Variants in COMMD10 observed in about 807,000 individuals in gnomAD.
The protein encoded by COMMD10 is COMM domain containing 10.
A neutral mutation model predicts 28.9 loss-of-function variants in COMMD10; 33 were observed. That is an observed-to-expected ratio of 1.14 (90% CI 0.87 to 1.53). The LOEUF is 1.53. Among genes scored for constraint, COMMD10 ranks in the 40% most tolerant of loss-of-function variants. COMMD10 has a pLI of 0.00. For synonymous variants in COMMD10, 110 were observed against 81.7 expected, an observed-to-expected ratio of 1.35 and a Z score of -1.87; for missense variants, 310 against 233.4, an observed-to-expected ratio of 1.33 and a Z score of -2.14.
At chr5:116,097,734 G>T (rs1308310996) in intron 4 of COMMD10, among the ~76,000 whole-genome samples, 1 of 152,096 alleles carries the variant, frequency 6.6e-6, no homozygotes, top group African/African-American at 2.4e-5. Context: ...CTTCTGGGGA[G>T]GCCTCAGGAA....
chr5:116,142,795 AG>A (rs771004396), intron 5 of COMMD10, among the ~76,000 whole-genome samples: 2 of 151,706 alleles, frequency 1.3e-5, no homozygotes, highest in African/African-American at 4.8e-5. Flanking sequence ...AACATGTAGA[AG>A]GAATCTGATC....
chr5:116,284,117 GCAAGAC>G (rs1421695979), intron 5 of COMMD10, among the ~76,000 whole-genome samples: 3 of 151,766 alleles, frequency 2.0e-5, no homozygotes, highest in African/African-American at 7.3e-5. Flanking sequence ...GGGCAACAGA[GCAAGAC>G]CCCATCTCAA....
chr5:116,263,285 G>T lies in COMMD10; in HGVS notation c.511-28232G>T, dbSNP rs192595294. 4.9e-3 allele frequency among the ~76,000 whole-genome samples: 740 copies of T among 151,822 alleles called. 19 individuals carry two copies. Among genetic ancestry groups the T allele is most frequent in the African/African-American group, 0.015 (630 of 41,246 alleles). On this transcript the variant is annotated intron_variant, in intron 5 of 6. Transcript: ENST00000274458. ...CTACATAAGGGATCTAGAGAGTCAT[G>T]CCCTACAAACCATAAATTCTCATCA...
chr5:116,215,909 T>C (rs1749089671), intron 5 of COMMD10, among the ~76,000 whole-genome samples: 1 of 151,392 alleles, frequency 6.6e-6, no homozygotes, highest in Non-Finnish European at 1.5e-5. Context: ...TATTGGAAAA[T>C]ATACTGAATA....
At chr5:116,143,873 C>T (rs926967242) in intron 5 of COMMD10, among the ~76,000 whole-genome samples, 11 of 151,720 alleles carry the variant, frequency 7.3e-5, no homozygotes, top group African/African-American at 2.4e-4. Flanking sequence ...TGTCATGGAG[C>T]TTATGGGCTA....
At chr5:116,192,217 CA>C (rs1455850157) in intron 5 of COMMD10, among the ~76,000 whole-genome samples, 2 of 151,350 alleles carry the variant, frequency 1.3e-5, no homozygotes, top group African/African-American at 4.9e-5. Context: ...GAGAAGGAAC[CA>C]AAAAACCAAC....
At chr5:116,185,461 G>T (rs1039925519) in intron 5 of COMMD10, among the ~76,000 whole-genome samples, 1 of 152,120 alleles carries the variant, frequency 6.6e-6, no homozygotes, top group African/African-American at 2.4e-5. Context: ...AACAAAAGCA[G>T]GGTCAAGCAG....
intron 5 of COMMD10, among the ~76,000 whole-genome samples, chr5:116,272,210 T>G (rs962903294): frequency 7.2e-5 from 11 of 151,890 alleles, no homozygotes; most frequent in African/African-American, 2.4e-4. Flanking sequence ...CAGTGCAGTC[T>G]TTTTGTACCT....
intron 4 of COMMD10, among the ~76,000 whole-genome samples, chr5:116,098,967 G>T (rs139342703): frequency 6.6e-6 from 1 of 152,160 alleles, no homozygotes; most frequent in Non-Finnish European, 1.5e-5. Context: ...TTATGTGTGG[G>T]TGAGTGTGTG....
chr5:116,125,429 T>G (rs182760814), intron 4 of COMMD10, among the ~76,000 whole-genome samples: 127 of 152,348 alleles, frequency 8.3e-4, no homozygotes, highest in Non-Finnish European at 1.6e-3. Flanking sequence ...GCTGTTAGTC[T>G]GGTGGGTTTC....
intron 5 of COMMD10, among the ~76,000 whole-genome samples, chr5:116,147,150 A>G (rs1436494164): frequency 6.6e-6 from 1 of 151,560 alleles, no homozygotes; most frequent in Non-Finnish European, 1.5e-5. Context: ...GTGTATCTGG[A>G]TGATGTATTT....
intron 5 of COMMD10, among the ~76,000 whole-genome samples, chr5:116,212,034 C>G (rs1322602166): frequency 2.0e-5 from 3 of 152,090 alleles, no homozygotes; most frequent in Non-Finnish European, 1.5e-5. Flanking sequence ...AAACTACTTG[C>G]CATGGTGCCC....
In COMMD10 at chr5:116,145,017, A is replaced by G. The variant is rs148809504; in HGVS notation, c.510+10839A>G. On this transcript the variant is annotated intron_variant, in intron 5 of 6. Transcript: ENST00000274458. Reference sequence around the variant, plus strand: ...AAGGTAGGATTCAATCAGAGTGGGAACATTTCACTTGTCTTCATAGAGAAG... The same window carrying G: ...AAGGTAGGATTCAATCAGAGTGGGAGCATTTCACTTGTCTTCATAGAGAAG... Among the ~76,000 whole-genome samples, 365 of 151,970 alleles carry G rather than the reference A, an allele frequency of 2.4e-3. 2 individuals carry two copies. The highest frequency in any genetic ancestry group is 8.5e-3 in the African/African-American group (354 of 41,482).
At chr5:116,232,482 T>A (rs991736421) in intron 5 of COMMD10, among the ~76,000 whole-genome samples, 17 of 151,984 alleles carry the variant, frequency 1.1e-4, no homozygotes, top group African/African-American at 4.1e-4. Flanking sequence ...GGCATAAGTG[T>A]TCAGAAATAA....
intron 5 of COMMD10, among the ~76,000 whole-genome samples, chr5:116,138,377 T>G (rs11742938): frequency 0.51 from 76,641 of 151,662 alleles, 21,986 homozygotes; most frequent in Non-Finnish European, 0.65. Context: ...TAACTAGTTC[T>G]AGGCCCATTG....
intron 5 of COMMD10, among the ~76,000 whole-genome samples, chr5:116,158,932 T>C (rs1752829534): frequency 6.6e-6 from 1 of 151,992 alleles, no homozygotes; most frequent in African/African-American, 2.4e-5. Context: ...GCTAACATCT[T>C]TTTCAGTCTT....
chr5:116,203,884 A>G (rs1435330022), intron 5 of COMMD10, among the ~76,000 whole-genome samples: 3 of 152,134 alleles, frequency 2.0e-5, no homozygotes, highest in Non-Finnish European at 4.4e-5. Context: ...AAATTCACAC[A>G]TAACAATATT....
intron 4 of COMMD10, among the ~76,000 whole-genome samples, chr5:116,097,282 C>A (rs1750499834): frequency 6.6e-6 from 1 of 151,824 alleles, no homozygotes; most frequent in Non-Finnish European, 1.5e-5. Context: ...ATTTTAAAGT[C>A]TGAAATGCTT....
At chr5:116,284,612 A>G (rs1751170113) in intron 5 of COMMD10, among the ~76,000 whole-genome samples, 2 of 151,932 alleles carry the variant, frequency 1.3e-5, no homozygotes, top group African/African-American at 4.9e-5. Context: ...GCACATGGAT[A>G]ATTATATATA....
Sources: allele counts gnomAD v4.1 joint callset (sites outside exome capture counted in the v4.1 genomes callset), GRCh38; gene constraint gnomAD v4.1.1; transcripts MANE v1.5; gene names NCBI Gene and HGNC (gene_info 2026-07-23, HGNC 2026-07-21).